Variants in GLIS3 observed in about 807,000 individuals in gnomAD.
The protein encoded by GLIS3 is GLIS family zinc finger 3.
Under a neutral mutation model 78.6 loss-of-function variants are expected in GLIS3, and 53 were observed. The observed-to-expected ratio is 0.67, with a 90% CI of 0.54 to 0.85. The LOEUF is 0.85. Ranked by LOEUF, GLIS3 falls within the 40% of genes least tolerant of loss-of-function variation. The probability of loss-of-function intolerance (pLI) is 0.00; values close to 1 mark genes in which losing one functional copy is unlikely to be tolerated. For synonymous variants in GLIS3, 684 were observed against 509.9 expected (o/e 1.34, Z -4.60); for missense variants, 1,703 against 1,231.1 (o/e 1.38, Z -5.74).
At chr9:4,249,861 C>T (rs1403201032) in intron 2 of GLIS3, among the ~76,000 whole-genome samples, 1 of 152,170 alleles carries the variant, frequency 6.6e-6, no homozygotes, top group Non-Finnish European at 1.5e-5. Context: ...GCCTTTTGTG[C>T]ATCTATTGAG....
At chr9:4,244,231 C>G (rs948195817) in intron 2 of GLIS3, among the ~76,000 whole-genome samples, 3 of 152,194 alleles carry the variant, frequency 2.0e-5, no homozygotes, top group Admixed American at 6.5e-5. Context: ...TAGCTCATGT[C>G]CTTCATTGCC....
At chr9:4,269,511 C>G (rs1048918768) in intron 2 of GLIS3, among the ~76,000 whole-genome samples, 2 of 152,116 alleles carry the variant, frequency 1.3e-5, no homozygotes, top group Non-Finnish European at 2.9e-5. Flanking sequence ...AGCAAATAAC[C>G]AGATGTCTGA....
At chr9:4,086,227 A>T (rs1829010444) in intron 4 of GLIS3, among the ~76,000 whole-genome samples, 1 of 152,108 alleles carries the variant, frequency 6.6e-6, no homozygotes, top group African/African-American at 2.4e-5. Flanking sequence ...ACTTGTCTCC[A>T]CCTCAGTCTA....
At chr9:4,041,636 A>C (rs958938213) in intron 4 of GLIS3, among the ~76,000 whole-genome samples, 4 of 152,184 alleles carry the variant, frequency 2.6e-5, no homozygotes, top group African/African-American at 9.6e-5. Flanking sequence ...TCTGTGAGAC[A>C]AAGTAACAAA....
intron 4 of GLIS3, among the ~76,000 whole-genome samples, chr9:3,955,721 A>G (rs1817056510): frequency 6.6e-6 from 1 of 152,196 alleles, no homozygotes; most frequent in South Asian, 2.1e-4. Context: ...GCATTTAGGG[A>G]TTCAAAAGCC....
At chr9:3,998,784 A>C (rs1820923004) in intron 4 of GLIS3, among the ~76,000 whole-genome samples, 2 of 148,502 alleles carry the variant, frequency 1.3e-5, no homozygotes, top group South Asian at 4.2e-4. Flanking sequence ...AATATTAATA[A>C]TATTTTAATA....
intron 4 of GLIS3, among the ~76,000 whole-genome samples, chr9:3,964,170 G>C (rs191942300): frequency 6.6e-6 from 1 of 151,698 alleles, no homozygotes; most frequent in African/African-American, 2.4e-5. Context: ...CAGATTGATG[G>C]GACTAATTTA....
chr9:3,877,124 A>T (rs141256242), intron 8 of GLIS3, among the ~76,000 whole-genome samples: 16 of 152,342 alleles, frequency 1.1e-4, no homozygotes, highest in African/African-American at 3.8e-4. Flanking sequence ...CCGATTGATC[A>T]TTCCTGAGCT....
intron 2 of GLIS3, among the ~76,000 whole-genome samples, chr9:4,183,442 C>T (rs1185044327): frequency 6.6e-6 from 1 of 152,170 alleles, no homozygotes; most frequent in Non-Finnish European, 1.5e-5. Flanking sequence ...ATTCATTTAG[C>T]CTCATTCCCA....
chr9:4,349,530 C>A (rs916101539), upstream of GLIS3, among the ~76,000 whole-genome samples: 1 of 151,870 alleles, frequency 6.6e-6, no homozygotes. Context: ...GAAAAAAATC[C>A]CTGTATGCTA....
chr9:4,113,223 G>A (rs1831373215), intron 4 of GLIS3, among the ~76,000 whole-genome samples: 1 of 151,740 alleles, frequency 6.6e-6, no homozygotes, highest in Admixed American at 6.6e-5. Context: ...ATTTCATTAG[G>A]AATAAGCCAC....
intron 4 of GLIS3, among the ~76,000 whole-genome samples, chr9:3,981,458 A>C (rs1334297980): frequency 6.6e-6 from 1 of 152,166 alleles, no homozygotes; most frequent in East Asian, 1.9e-4. Flanking sequence ...TCATGCGGTC[A>C]GGCGGCAGCT....
intron 1 of GLIS3, among the ~76,000 whole-genome samples, chr9:4,293,561 T>A (rs73641403): frequency 6.6e-6 from 1 of 152,218 alleles, no homozygotes; most frequent in Non-Finnish European, 1.5e-5. Context: ...GTGGAATCTA[T>A]CGGTCATGCT....
At chr9:4,319,620 C>G (rs1278129305) in intron 2 of GLIS3, among the ~76,000 whole-genome samples, 1 of 151,996 alleles carries the variant, frequency 6.6e-6, no homozygotes, top group East Asian at 1.9e-4. Flanking sequence ...ACCTCAAACT[C>G]CTGGGCTCAA....
Position 3,856,154 on chromosome 9 carries a change from G to A in GLIS3, c.2328C>T (p.His776=). The A allele has an allele frequency of 6.2e-7, 1 of 1,614,118 alleles. No individual in the cohort carries two copies. The highest frequency in any genetic ancestry group is 1.1e-5 in the South Asian group (1 of 91,076). The change falls in exon 9 of 11, where the codon CAC becomes CAT. Residue 776 remains histidine (H), a synonymous_variant. Coordinates refer to ENST00000381971, the MANE Select transcript of GLIS3 (RefSeq NM_001042413.2). ...RFAPSAPSPH[H]ISPRRVPAPS... is the part of the protein sequence containing the mutation. ...GAGCTGGAACTCTCCGGGGGCTGAT[G>A]TGGTGAGGAGATGGAGCAGAAGGTG...
chr9:4,083,297 T>C (rs7030223), intron 4 of GLIS3, among the ~76,000 whole-genome samples: 39,113 of 151,974 alleles, frequency 0.26, 5,350 homozygotes, highest in East Asian at 0.38. Flanking sequence ...CTCCTCATCA[T>C]TGCACCAAAG....
At chr9:3,894,322 G>A (rs1328249007) in intron 7 of GLIS3, among the ~76,000 whole-genome samples, 7 of 152,190 alleles carry the variant, frequency 4.6e-5, no homozygotes, top group Non-Finnish European at 8.8e-5. Context: ...GTGTGTGGTA[G>A]TTTAGAACCC....
chr9:4,208,195 G>T (rs971889078), intron 2 of GLIS3, among the ~76,000 whole-genome samples: 2 of 152,200 alleles, frequency 1.3e-5, no homozygotes, highest in Admixed American at 1.3e-4. Context: ...CTAAGAAACT[G>T]ATTTCTAAAA....
chr9:3,856,263 T>G, intron 8 of GLIS3, 79 bp from the exon 9 acceptor site: 6 of 1,267,452 alleles, frequency 4.7e-6, no homozygotes, highest in Non-Finnish European at 6.8e-6. Flanking sequence ...AGCCAAATTC[T>G]CACCTCCCAT....
Sources: allele counts gnomAD v4.1 joint callset (sites outside exome capture counted in the v4.1 genomes callset), GRCh38; gene constraint gnomAD v4.1.1; transcripts MANE v1.5; gene names NCBI Gene and HGNC (gene_info 2026-07-23, HGNC 2026-07-21).